The following MYT1L variants were observed in gnomAD, a reference collection of about 807,000 sequenced individuals.
The protein encoded by MYT1L is myelin transcription factor 1 like, also known as myelin transcription factor 1-like protein.
Under a neutral mutation model 126.7 loss-of-function variants are expected in MYT1L, and 12 were observed. The ratio of observed to expected loss-of-function variants is 0.09; its 90% CI spans 0.06 to 0.15. The LOEUF (loss-of-function observed/expected upper bound fraction) is 0.15, where lower values mean the gene tolerates loss of function less well. MYT1L is among the 10% of genes least tolerant of loss of function. MYT1L has a pLI of 1.00. For synonymous variants in MYT1L, 541 were observed against 604.2 expected (o/e 0.90, Z 1.53); for missense variants, 979 against 1,585.2 (o/e 0.62, Z 6.49).
At chr2:2,309,788 A>T (rs2095927753) in intron 1 of MYT1L, among the ~76,000 whole-genome samples, 2 of 151,608 alleles carry the variant, frequency 1.3e-5, no homozygotes, top group African/African-American at 4.8e-5. Context: ...ACACTTTAGT[A>T]TACCCTATCT....
At chr2:1,824,152 A>G (rs1321994563) in intron 21 of MYT1L, among the ~76,000 whole-genome samples, 1 of 152,256 alleles carries the variant, frequency 6.6e-6, no homozygotes, top group Admixed American at 6.5e-5. Flanking sequence ...TTTAAATAAT[A>G]GCTAATAAAG....
chr2:1,887,382 T>C lies in MYT1L; in HGVS notation c.2642+106A>G, dbSNP rs928827593. On this transcript the variant is annotated intron_variant, in intron 17 of 24. Transcript: ENST00000647738. This position sits in a 1 kb window ranked among gnomAD's most constrained non-coding sequence, Gnocchi z 4.8. ...GTCGGAAACATTTATATGCTGCGAA[T>C]GTCGCATGCTCAAACGGCAAGGCAT... 6.9e-7 allele frequency: 1 copy of C among 1,439,246 alleles called. No individual in the cohort carries two copies. Among genetic ancestry groups the C allele is most frequent in the South Asian group, 1.2e-5 (1 of 81,180 alleles). 89.2% of individuals were successfully genotyped at this position (1,439,246 alleles called of 1,614,324 possible).
chr2:1,959,419 G>A (rs1172408850), intron 8 of MYT1L, among the ~76,000 whole-genome samples: 2 of 152,228 alleles, frequency 1.3e-5, no homozygotes, highest in Admixed American at 6.5e-5. Context: ...AGACAGGGCT[G>A]TGACTTCAGG....
chr2:2,152,369 A>G (rs1362905987), intron 3 of MYT1L, among the ~76,000 whole-genome samples: 1 of 152,204 alleles, frequency 6.6e-6, no homozygotes, highest in Non-Finnish European at 1.5e-5. Flanking sequence ...TATTTCTGGA[A>G]TTTTCCATTT....
chr2:1,944,330 T>C (rs939361610), intron 8 of MYT1L, among the ~76,000 whole-genome samples: 2 of 152,146 alleles, frequency 1.3e-5, no homozygotes, highest in African/African-American at 4.8e-5. Flanking sequence ...ACATTACAAA[T>C]TCACTTTTGT....
At chr2:2,005,325 T>G (rs2063141205) in intron 4 of MYT1L, among the ~76,000 whole-genome samples, 2 of 147,072 alleles carry the variant, frequency 1.4e-5, no homozygotes, top group Non-Finnish European at 1.5e-5. Flanking sequence ...CTTTCCTGCG[T>G]GCGTTCTTTC....
chr2:1,939,408 G>A (rs1332081120), intron 9 of MYT1L, among the ~76,000 whole-genome samples: 1 of 152,198 alleles, frequency 6.6e-6, no homozygotes, highest in African/African-American at 2.4e-5. Context: ...TTTAGGGAGT[G>A]CATGGTTTCT....
In MYT1L at chr2:2,218,719, A is replaced by G. The variant is rs191260743; in HGVS notation, c.-420-45731T>C. ...ATTTATGTCATGTCAATTGTCATTC[A>G]GTAGAGCTGTTAAAACAGCATAAAT... is the stretch of plus-strand genomic sequence containing the variant. On this transcript the variant is annotated intron_variant, in intron 2 of 24. Coordinates refer to ENST00000647738, the MANE Select transcript of MYT1L (RefSeq NM_001303052.2). Among the ~76,000 whole-genome samples the G allele has an allele frequency of 1.6e-3, 241 of 152,384 alleles. 1 individual carries two copies. The highest frequency in any genetic ancestry group is 5.5e-3 in the African/African-American group (230 of 41,602).
intron 3 of MYT1L, 46 bp from the exon 4 acceptor site, chr2:2,054,169 T>C (rs987936648): frequency 6.6e-6 from 1 of 152,664 alleles, no homozygotes; most frequent in Admixed American, 6.5e-5. Context: ...ATATTCACAG[T>C]AAAAGCAAAA....
At chr2:2,268,272 A>C (rs1256232340) in intron 2 of MYT1L, among the ~76,000 whole-genome samples, 1 of 152,212 alleles carries the variant, frequency 6.6e-6, no homozygotes, top group African/African-American at 2.4e-5. Context: ...TTACCTCTAT[A>C]ATACAGAAAT....
At chr2:1,942,582 C>T (rs1287310453) in intron 9 of MYT1L, among the ~76,000 whole-genome samples, 1 of 152,180 alleles carries the variant, frequency 6.6e-6, no homozygotes, top group African/African-American at 2.4e-5. Context: ...GGTACCTGGG[C>T]TAAGCCATTC....
chr2:1,826,103 T>C (rs1267053369), intron 21 of MYT1L: 1 of 152,230 alleles, frequency 6.6e-6, no homozygotes, highest in African/African-American at 2.4e-5. Context: ...GAGCTGTGAG[T>C]TGGACTGTGA....
At position 2,182,219 on chromosome 2, in the gene MYT1L, C is replaced by T. The variant is rs74344480; in HGVS notation, c.-420-9231G>A. Reference sequence around the variant, plus strand: ...AACTGTGGCCATGGAGAGGTGACCTCCTCTCTGCAGGATCTGATTTCAGTG... The same window carrying T: ...AACTGTGGCCATGGAGAGGTGACCTTCTCTCTGCAGGATCTGATTTCAGTG... On this transcript the variant is annotated intron_variant, in intron 2 of 24. Coordinates refer to ENST00000647738, the MANE Select transcript of MYT1L (RefSeq NM_001303052.2). Among the ~76,000 whole-genome samples, 808 of 152,188 alleles carry T rather than the reference C, an allele frequency of 5.3e-3. 8 individuals carry two copies. Among genetic ancestry groups the T allele is most frequent in the African/African-American group, 0.019 (776 of 41,522 alleles).
chr2:1,867,727 T>G (rs2045771113), intron 18 of MYT1L, among the ~76,000 whole-genome samples: 1 of 152,164 alleles, frequency 6.6e-6, no homozygotes, highest in Non-Finnish European at 1.5e-5. Flanking sequence ...CTGGATGCAA[T>G]GAAAGTTTGC....
chr2:1,987,211 T>A (rs1349806732), intron 5 of MYT1L, among the ~76,000 whole-genome samples: 1 of 152,132 alleles, frequency 6.6e-6, no homozygotes, highest in Non-Finnish European at 1.5e-5. Flanking sequence ...CAGGGGCTCA[T>A]ACCCAGCCAC....
At chr2:1,995,832 C>T (rs930285246) in intron 5 of MYT1L, among the ~76,000 whole-genome samples, 17 of 152,094 alleles carry the variant, frequency 1.1e-4, no homozygotes, top group Non-Finnish European at 1.5e-4. Context: ...CTGCAGGTGA[C>T]GAGGTGGGCA....
chr2:2,142,837 C>T (rs182604873), intron 3 of MYT1L, among the ~76,000 whole-genome samples: 1 of 151,820 alleles, frequency 6.6e-6, no homozygotes, highest in African/African-American at 2.4e-5. Context: ...CAGGCACGCA[C>T]CACCATGCCT....
intron 18 of MYT1L, among the ~76,000 whole-genome samples, chr2:1,878,424 C>A (rs1466970919): frequency 2.0e-5 from 3 of 152,140 alleles, no homozygotes; most frequent in Admixed American, 6.5e-5. Flanking sequence ...TGGAATATTC[C>A]TACACGTTTG....
intron 4 of MYT1L, among the ~76,000 whole-genome samples, chr2:2,025,002 G>A (rs775665633): frequency 2.6e-5 from 4 of 152,244 alleles, no homozygotes; most frequent in Non-Finnish European, 5.9e-5. Flanking sequence ...CTGGGCTCCC[G>A]TGGGTCTGTT....
Sources: gnomAD v4.1 joint callset for allele counts (sites outside exome capture counted in the v4.1 genomes callset) on GRCh38, gnomAD v4.1.1 for gene constraint, Gnocchi (gnomAD v3.1) non-coding constraint, MANE v1.5 for transcripts, NCBI Gene and HGNC (gene_info 2026-07-23, HGNC 2026-07-21) for gene names.